Variants in AMPD1 observed in about 807,000 individuals in gnomAD.
AMPD1 encodes adenosine monophosphate deaminase 1, also known as AMP deaminase 1.
AMPD1 carries 74 observed loss-of-function variants against 82.9 expected under a neutral mutation model. That is an observed-to-expected ratio of 0.89 (90% confidence interval 0.74 to 1.08). The LOEUF is 1.08. Among genes scored for constraint, AMPD1 ranks in the 50% least tolerant of loss-of-function variants. The pLI, the probability that AMPD1 is intolerant of heterozygous loss-of-function variation, is 0.00. For synonymous variants in AMPD1, 333 were observed against 320.5 expected (o/e 1.04, Z -0.42); for missense variants, 881 against 924.5 (o/e 0.95, Z 0.61).
intron 5 of AMPD1, among the ~76,000 whole-genome samples, chr1:114,682,514 G>A (rs546506024): frequency 8.6e-5 from 13 of 151,996 alleles, no homozygotes; most frequent in African/African-American, 2.9e-4. Flanking sequence ...ATATTAAAAG[G>A]AATTACAGAC....
intron 12 of AMPD1, 165 bp from the exon 13 acceptor site, chr1:114,675,037 C>A: frequency 1.1e-6 from 1 of 914,162 alleles, no homozygotes. Context: ...ACAAAGTTTC[C>A]AAAAAGAGGC....
rs141900642 is a variant in AMPD1, at chr1:114,674,064, A to G, written c.1819T>C (p.Leu607=). The G allele has an allele frequency of 4.6e-5, 74 of 1,613,986 alleles. No individual in the cohort carries two copies. In the African/African-American group the frequency reaches 9.1e-4, roughly 20 times the overall value. ...ATGGGAATTTGGGCTAAGAAAAACA[A>G]GTACTGTAGCACGGGACTCTGAAAA... The part of the protein sequence containing the change: ...NLKKSPVLQY[L]FFLAQIPIAM... The change falls in exon 14 of 16, where the codon TTG becomes CTG. Residue 607 remains leucine (L), a synonymous_variant. Transcript: ENST00000520113.
chr1:114,680,623 A>C, intron 5 of AMPD1, 145 bp from the exon 6 acceptor site: 1 of 712,116 alleles, frequency 1.4e-6, no homozygotes, highest in Middle Eastern at 3.8e-4. Flanking sequence ...GCTAACCTTT[A>C]TTTTTGCATT....
chr1:114,677,480 T>C lies in AMPD1; in HGVS notation c.1259A>G (p.Gln420Arg), dbSNP rs1207724365. The change falls in exon 10 of 16, where the codon CAG becomes CGG. Residue 420 changes from glutamine (Q) to arginine (R), a missense_variant. Around this residue, in one of 2 missense-constraint regions of AMPD1, gnomAD observed 783 missense variants for 786.4 expected, o/e 1.00. Transcript: ENST00000520113. ...GATGGACAGGCGGGGCTCAGCATGCTGGTACTTGGCCTCCACCAGGTCCGC... is the reference window on the plus strand; with the variant it reads ...GATGGACAGGCGGGGCTCAGCATGCCGGTACTTGGCCTCCACCAGGTCCGC... ...VGADLVEAKY[Q>R]HAEPRLSIYG... 6 of 1,613,516 alleles carry C rather than the reference T, an allele frequency of 3.7e-6. No homozygotes were observed. Among genetic ancestry groups the C allele is most frequent in the Non-Finnish European group, 4.2e-6 (5 of 1,179,916 alleles).
intron 13 of AMPD1, 22 bp from the exon 14 acceptor site, chr1:114,674,104 ATATT>A (rs778123642): frequency 6.2e-7 from 1 of 1,603,824 alleles, no homozygotes; most frequent in Non-Finnish European, 8.5e-7. Flanking sequence ...AAGTAAAAAA[ATATT>A]TAAAGATGTT....
At chr1:114,689,498 T>C (rs1658444678) in intron 2 of AMPD1, among the ~76,000 whole-genome samples, 1 of 152,124 alleles carries the variant, frequency 6.6e-6, no homozygotes, top group Admixed American at 6.5e-5. Context: ...TGGCAATGAA[T>C]AACCCCAAGA....
intron 2 of AMPD1, among the ~76,000 whole-genome samples, chr1:114,689,434 T>C (rs1368392823): frequency 6.6e-6 from 1 of 152,160 alleles, no homozygotes; most frequent in Non-Finnish European, 1.5e-5. Flanking sequence ...ATTTTACTTG[T>C]ACATACCCTA....
At chr1:114,677,222 C>T (rs926844105) in intron 10 of AMPD1, 129 bp downstream of exon 10, 11 of 1,270,184 alleles carry the variant, frequency 8.7e-6, no homozygotes, top group African/African-American at 4.4e-5. Flanking sequence ...ATGCAGGACC[C>T]GATAGTGAAT....
At chr1:114,682,633 C>T (rs950520613) in intron 5 of AMPD1, among the ~76,000 whole-genome samples, 7 of 150,470 alleles carry the variant, frequency 4.7e-5, no homozygotes, top group African/African-American at 1.5e-4. Context: ...GGCTGGAGTG[C>T]AGTGGCGCGA....
In AMPD1 at chr1:114,684,224, C is replaced by A. The variant is rs775843694; in HGVS notation, c.522G>T (p.Trp174Cys). ...CTGGATAGAAGCTCTCATTTGCTACCCAAGCCTCACCATCAATGTTCCGCA... is the reference window on the plus strand; with the variant it reads ...CTGGATAGAAGCTCTCATTTGCTACACAAGCCTCACCATCAATGTTCCGCA... Reference protein sequence around the residue: ...KYLRNIDGEAWVANESFYPVF... With the variant: ...KYLRNIDGEACVANESFYPVF... The change falls in exon 5 of 16, where the codon TGG (tryptophan) becomes TGT (cysteine). Residue 174 changes from tryptophan to cysteine, a missense_variant. By Grantham distance (215) the Trp-to-Cys change is radical (BLOSUM62 -2). Coordinates refer to ENST00000520113, the MANE Select transcript of AMPD1 (RefSeq NM_000036.3). 1 of 1,613,974 alleles carries A rather than the reference C, an allele frequency of 6.2e-7. No individual in the cohort carries two copies. Among genetic ancestry groups the A allele is most frequent in the Non-Finnish European group, 8.5e-7 (1 of 1,180,006 alleles).
intron 10 of AMPD1, 145 bp from the exon 11 acceptor site, chr1:114,676,148 T>C (rs965879741): frequency 3.8e-6 from 4 of 1,047,462 alleles, no homozygotes; most frequent in East Asian, 5.1e-5. Flanking sequence ...CATACATTCT[T>C]TTTGGTCCCC....
At chr1:114,684,392 C>T (rs749626238) in intron 4 of AMPD1, 28 bp from the exon 5 acceptor site, 27 of 1,610,414 alleles carry the variant, frequency 1.7e-5, no homozygotes, top group Non-Finnish European at 2.2e-5. Flanking sequence ...GTCAGCATAT[C>T]AGAGTCAATC....
rs546538753 is a variant in AMPD1, at chr1:114,695,307, G to C, written c.22+143C>G. The C allele has an allele frequency of 5.8e-5, 74 of 1,266,990 alleles. 1 individual carries two copies. The Admixed American group carries it at 9.3e-4, about 16-fold the overall frequency. 78.5% of individuals were successfully genotyped at this position (1,266,990 alleles called of 1,614,324 possible). A position where few individuals can be genotyped will look rare whatever the true frequency, so the allele number is the denominator to read the frequency against. Reference sequence around the variant, plus strand: ...AACAAAAAACCCTTGAAAATATTTTGTGTTTTCCTGAAATGTATGTTAAAG... The same window carrying C: ...AACAAAAAACCCTTGAAAATATTTTCTGTTTTCCTGAAATGTATGTTAAAG... On this transcript the variant is annotated intron_variant, in intron 1 of 15. Coordinates refer to ENST00000520113, the MANE Select transcript of AMPD1 (RefSeq NM_000036.3).
chr1:114,694,835 C>A (rs1214093365), intron 1 of AMPD1, among the ~76,000 whole-genome samples: 1 of 152,094 alleles, frequency 6.6e-6, no homozygotes, highest in African/African-American at 2.4e-5. Context: ...CAGAGTGACA[C>A]CCTGTCTCAA....
chr1:114,693,299 A>T, intron 2 of AMPD1, 137 bp downstream of exon 2: 1 of 868,706 alleles, frequency 1.2e-6, no homozygotes, highest in South Asian at 1.4e-5. Flanking sequence ...TATGGTCATT[A>T]TGAATCTTTG....
At position 114,677,967 on chromosome 1, in the gene AMPD1, G is replaced by C; in HGVS notation, c.1167C>G (p.Asp389Glu). Reference sequence around the variant, plus strand: ...TGTAATTGTCTGTCTTCAAGTAGAGGTCCCGTAGCTCACTTGCTCCTACAG... The same window carrying C: ...TGTAATTGTCTGTCTTCAAGTAGAGCTCCCGTAGCTCACTTGCTCCTACAG... The part of the protein sequence containing the change: ...YNPVGASELR[D>E]LYLKTDNYIN... The change falls in exon 9 of 16, where the codon GAC becomes GAG. Residue 389 changes from aspartate to glutamate, a missense_variant. Physicochemically the swap from Asp to Glu is conservative, Grantham distance 45. Around this residue, in one of 2 missense-constraint regions of AMPD1, gnomAD observed 783 missense variants for 786.4 expected, o/e 1.00. Transcript: ENST00000520113. 6.2e-7 allele frequency: 1 copy of C among 1,613,866 alleles called. No homozygotes were observed. The highest frequency in any genetic ancestry group is 8.5e-7 in the Non-Finnish European group (1 of 1,179,880).
chr1:114,689,662 T>C (rs1380882694), intron 2 of AMPD1, among the ~76,000 whole-genome samples: 1 of 152,028 alleles, frequency 6.6e-6, no homozygotes, highest in Non-Finnish European at 1.5e-5. Flanking sequence ...ACTAAAAATA[T>C]GAAAATTAGT....
rs1263217341 is a variant in AMPD1, at chr1:114,677,942, T to C, written c.1192A>G (p.Ile398Val). ...RDLYLKTDNY[I>V]NGEYFATIIK... The stretch of plus-strand genomic sequence containing the variant: ...ATAGTGGCAAAATATTCCCCATTAA[T>C]GTAATTGTCTGTCTTCAAGTAGAGG... Residue 398 changes from isoleucine to valine, a missense_variant, in exon 9 of 16, where the codon ATT (isoleucine) becomes GTT (valine). Ile to Val is a conservative substitution (Grantham distance 29). Coordinates refer to ENST00000520113, the MANE Select transcript of AMPD1 (RefSeq NM_000036.3). The C allele has an allele frequency of 6.2e-6, 10 of 1,613,784 alleles. No individual in the cohort carries two copies. The Admixed American group carries it at 8.3e-5, about 13-fold the overall frequency.
chr1:114,682,923 A>G (rs1254188855), intron 5 of AMPD1, among the ~76,000 whole-genome samples: 3 of 152,310 alleles, frequency 2.0e-5, no homozygotes, highest in African/African-American at 7.2e-5. Context: ...TAGTTCTAGG[A>G]GTGTAATCCT....
Sources: gnomAD v4.1 joint callset for allele counts (sites outside exome capture counted in the v4.1 genomes callset) on GRCh38, gnomAD v4.1.1 for gene constraint, gnomAD v4.1.1 regional missense constraint, MANE v1.5 for transcripts, NCBI Gene and HGNC (gene_info 2026-07-23, HGNC 2026-07-21) for gene names.